The following ANKS1A variants were observed in gnomAD, a reference collection of about 807,000 sequenced individuals.
ANKS1A encodes ankyrin repeat and SAM domain-containing protein 1A.
A neutral mutation model predicts 120.3 loss-of-function variants in ANKS1A; 55 were observed. That is an observed-to-expected ratio of 0.46 (90% CI 0.37 to 0.57). The LOEUF is 0.57. ANKS1A is among the 20% of genes least tolerant of loss of function. The pLI is 0.00. For synonymous variants in ANKS1A, 590 were observed against 604.7 expected, an observed-to-expected ratio of 0.98 and a Z score of 0.36; for missense variants, 1,123 against 1,480.3, an observed-to-expected ratio of 0.76 and a Z score of 3.96.
rs370949460 is a variant in ANKS1A at position 35,071,082 on chromosome 6, T to C, written c.2185-7476T>C. On this transcript the variant is annotated intron_variant, in intron 13 of 23. Transcript: ENST00000360359. ...CCTCTTTCTATTGACTCCAGGCCTT[T>C]AGATAAACTCTTTCAACTAGTTGCC... 1.5e-4 allele frequency: 55 copies of C among 379,178 alleles called. No individual in the cohort carries two copies. In the East Asian group the frequency reaches 2.2e-3, roughly 15 times the overall value. 23.5% of individuals were successfully genotyped at this position (379,178 alleles called of 1,614,324 possible).
At position 34,889,311 on chromosome 6, in the gene ANKS1A, G is replaced by T; in HGVS notation, c.-92G>T. ...GGGGTGGTGTCCCCAGCCGGTTTGG[G>T]GGGTGCGTTGCCCGGAGACGGAAAG... On this transcript the variant is annotated 5_prime_UTR_variant, in exon 1 of 24. Transcript: ENST00000360359. This position sits in a 1 kb window ranked among gnomAD's most constrained non-coding sequence, Gnocchi z 5.5. The T allele has an allele frequency of 2.5e-6, 3 of 1,223,688 alleles. No homozygotes were observed. The highest frequency in any genetic ancestry group is 4.0e-5 in the South Asian group (1 of 25,086). 75.8% of individuals were successfully genotyped at this position (1,223,688 alleles called of 1,614,324 possible).
chr6:34,950,157 G>T (rs1770000009), intron 1 of ANKS1A, among the ~76,000 whole-genome samples: 1 of 151,888 alleles, frequency 6.6e-6, no homozygotes, highest in South Asian at 2.1e-4. Context: ...CCTAACGTGG[G>T]TGACAGTGAG....
intron 13 of ANKS1A, among the ~76,000 whole-genome samples, chr6:35,075,221 A>C (rs541515811): frequency 6.6e-6 from 1 of 152,186 alleles, no homozygotes. Context: ...ATATAGAAGA[A>C]TGTAAAACAC....
At chr6:34,894,432 A>T in intron 1 of ANKS1A, among the ~76,000 whole-genome samples, 1 of 152,184 alleles carries the variant, frequency 6.6e-6, no homozygotes, top group East Asian at 1.9e-4. Context: ...CAGCTGGATC[A>T]CTTGAGCCCA....
chr6:35,068,880 C>T (rs1446951683), intron 13 of ANKS1A, among the ~76,000 whole-genome samples: 3 of 152,110 alleles, frequency 2.0e-5, no homozygotes, highest in Non-Finnish European at 2.9e-5. Flanking sequence ...AGGGGGCTGC[C>T]GGCCGAGTGT....
intron 1 of ANKS1A, among the ~76,000 whole-genome samples, chr6:34,924,192 T>C (rs1418367681): frequency 1.3e-5 from 2 of 152,006 alleles, no homozygotes; most frequent in African/African-American, 2.4e-5. Context: ...CTGTGACGGC[T>C]GAGAAGTTGG....
At chr6:34,937,429 T>C (rs925364814) in intron 1 of ANKS1A, among the ~76,000 whole-genome samples, 13 of 152,216 alleles carry the variant, frequency 8.5e-5, no homozygotes, top group African/African-American at 2.9e-4. Flanking sequence ...CCTCATCTGG[T>C]AAATGGAGAT....
chr6:35,069,533 G>C (rs769167843), intron 13 of ANKS1A, among the ~76,000 whole-genome samples: 1 of 152,014 alleles, frequency 6.6e-6, no homozygotes, highest in African/African-American at 2.4e-5. Context: ...AGAACACAGA[G>C]GGCTGACAAT....
intron 3 of ANKS1A, among the ~76,000 whole-genome samples, chr6:34,978,502 C>T (rs1771725407): frequency 6.6e-6 from 1 of 152,152 alleles, no homozygotes; most frequent in Admixed American, 6.5e-5. Flanking sequence ...TTAACCAGCA[C>T]TTAATAATAG....
intron 1 of ANKS1A, among the ~76,000 whole-genome samples, chr6:34,950,795 G>C (rs779459562): frequency 6.6e-6 from 1 of 152,102 alleles, no homozygotes; most frequent in Non-Finnish European, 1.5e-5. Flanking sequence ...GGTGGGTGGT[G>C]GGTGAGGCTG....
chr6:34,915,563 TCTTAAACTCCTGGGC>T (rs1411938469), intron 1 of ANKS1A, among the ~76,000 whole-genome samples: 4 of 152,010 alleles, frequency 2.6e-5, no homozygotes, highest in African/African-American at 9.7e-5. Context: ...CCCAGGCTGG[TCTTAAACTCCTGGGC>T]TTAAGCAGTC....
intron 5 of ANKS1A, 61 bp from the exon 6 acceptor site, chr6:34,983,052 C>A (rs1581593824): frequency 4.6e-6 from 7 of 1,517,556 alleles, no homozygotes; most frequent in Non-Finnish European, 6.4e-6. Flanking sequence ...TAAAATTTGA[C>A]CCTTTTGGAG....
chr6:35,047,068 C>CTT (rs1719849333), intron 11 of ANKS1A, among the ~76,000 whole-genome samples: 1 of 152,210 alleles, frequency 6.6e-6, no homozygotes, highest in African/African-American at 2.4e-5. Flanking sequence ...TCTAGGGACT[C>CTT]TGTCAACTTC....
At chr6:35,087,169 C>T in intron 23 of ANKS1A, 120 bp downstream of exon 23, 1 of 1,011,882 alleles carries the variant, frequency 9.9e-7, no homozygotes, top group Non-Finnish European at 1.5e-6. Flanking sequence ...GATGCCAAGG[C>T]CCCACCTGCA....
At chr6:35,080,950 T>C in intron 16 of ANKS1A, 44 bp from the exon 17 acceptor site, 2 of 1,592,898 alleles carry the variant, frequency 1.3e-6, no homozygotes, top group East Asian at 4.5e-5. Flanking sequence ...AGTCGGGCAC[T>C]GGGCCGAGGG....
chr6:35,039,531 A>G, intron 11 of ANKS1A: 2 of 456,048 alleles, frequency 4.4e-6, no homozygotes, highest in Non-Finnish European at 8.8e-6. Flanking sequence ...TTGCCTTGAT[A>G]AAAAGTTGAC....
rs148932574 is a variant in ANKS1A at position 35,032,371 on chromosome 6, C to T, written c.2010+14312C>T. 2.0e-4 allele frequency among the ~76,000 whole-genome samples: 30 copies of T among 152,334 alleles called. 2 individuals are homozygous for T. The East Asian group carries it at 5.4e-3, about 27-fold the overall frequency. Reference sequence around the variant, plus strand: ...GCACTTTGAGCTTGACAGGTCTTTCCATCAGCAGCTCTTTCCGCAGGCACT... The same window carrying T: ...GCACTTTGAGCTTGACAGGTCTTTCTATCAGCAGCTCTTTCCGCAGGCACT... On this transcript the variant is annotated intron_variant, in intron 11 of 23. Coordinates refer to ENST00000360359, the MANE Select transcript of ANKS1A (RefSeq NM_015245.3).
intron 1 of ANKS1A, among the ~76,000 whole-genome samples, chr6:34,906,370 G>A (rs1031947046): frequency 3.9e-5 from 6 of 152,198 alleles, no homozygotes; most frequent in East Asian, 1.9e-4. Context: ...CCATGGGAGT[G>A]TGTGAGTGGG....
rs1253783675 is a variant in ANKS1A at position 35,017,825 on chromosome 6, T to C, written c.1776T>C (p.Pro592=). ...TGACTCACACAGCATCTCCGCACCCTGGTGGTGCTGAGGAAGGAGACCGGA... is the reference window on the plus strand; with the variant it reads ...TGACTCACACAGCATCTCCGCACCCCGGTGGTGCTGAGGAAGGAGACCGGA... ...ETLTHTASPH[P]GGAEEGDRSG... The change falls in exon 11 of 24, where the codon CCT becomes CCC. Residue 592 remains proline (P), a synonymous_variant. Transcript: ENST00000360359. 1 of 1,614,060 alleles carries C rather than the reference T, an allele frequency of 6.2e-7. No individual in the cohort carries two copies.
Sources: gnomAD v4.1 joint callset for allele counts (sites outside exome capture counted in the v4.1 genomes callset) on GRCh38, gnomAD v4.1.1 for gene constraint, Gnocchi (gnomAD v3.1) non-coding constraint, MANE v1.5 for transcripts, NCBI Gene and HGNC (gene_info 2026-07-23, HGNC 2026-07-21) for gene names.